Variants in CLVS1 observed in about 807,000 individuals in gnomAD.
CLVS1 encodes clavesin 1, also known as clavesin-1.
In CLVS1, 10 loss-of-function variants were observed where a neutral mutation model predicts 33.1. The observed-to-expected ratio is 0.30, with a 90% CI of 0.19 to 0.51. The LOEUF is 0.51. Among genes scored for constraint, CLVS1 ranks in the 20% least tolerant of loss-of-function variants. CLVS1 has a pLI of 0.97. For synonymous variants in CLVS1, 163 were observed against 166.1 expected, an observed-to-expected ratio of 0.98 and a Z score of 0.14; for missense variants, 343 against 433.4, an observed-to-expected ratio of 0.79 and a Z score of 1.85.
rs529789079 is a variant in CLVS1 at position 61,501,219 on chromosome 8, AGAATT to A, written c.*1681_*1685del. On this transcript the variant is annotated 3_prime_UTR_variant, in exon 6 of 6. Coordinates refer to ENST00000325897, the MANE Select transcript of CLVS1 (RefSeq NM_173519.3). The stretch of plus-strand genomic sequence containing the variant: ...AGACATAGATAGGTAAGAGAAATAA[AGAATT>A]GAAGTGAATTAGAAAATCCATTTTA... The A allele has an allele frequency of 1.2e-4, 18 of 152,314 alleles. No homozygotes were observed. The East Asian group carries it at 2.9e-3, about 24-fold the overall frequency. 9.4% of individuals were successfully genotyped at this position (152,314 alleles called of 1,614,324 possible). A position where few individuals can be genotyped will look rare whatever the true frequency, so the allele number is the denominator to read the frequency against.
upstream of CLVS1, among the ~76,000 whole-genome samples, chr8:61,056,298 A>G (rs898357650): frequency 6.6e-6 from 1 of 152,144 alleles, no homozygotes; most frequent in Non-Finnish European, 1.5e-5. Context: ...AATTTGGTTA[A>G]TTTCCCCTTT....
At chr8:61,310,513 C>T (rs956047510) in intron 2 of CLVS1, among the ~76,000 whole-genome samples, 17 of 152,172 alleles carry the variant, frequency 1.1e-4, no homozygotes, top group South Asian at 4.1e-4. Flanking sequence ...CAGACATTAA[C>T]GACAGGTCTC....
intron 1 of CLVS1, among the ~76,000 whole-genome samples, chr8:61,067,821 A>G (rs532708895): frequency 6.6e-6 from 1 of 152,192 alleles, no homozygotes; most frequent in Non-Finnish European, 1.5e-5. Flanking sequence ...GGGGACTACT[A>G]GAAGGGGGAG....
At chr8:61,367,254 C>T (rs928737373) in intron 2 of CLVS1, among the ~76,000 whole-genome samples, 3 of 152,160 alleles carry the variant, frequency 2.0e-5, no homozygotes, top group Non-Finnish European at 4.4e-5. Context: ...TAACAGTCAG[C>T]AGTTCTCCCA....
intron 2 of CLVS1, among the ~76,000 whole-genome samples, chr8:61,279,828 T>C (rs548551836): frequency 6.6e-5 from 10 of 152,336 alleles, no homozygotes; most frequent in African/African-American, 2.4e-4. Flanking sequence ...CTGAATAAAA[T>C]TTTTGGTAAG....
intron 2 of CLVS1, among the ~76,000 whole-genome samples, chr8:61,134,864 G>C (rs1360509526): frequency 6.6e-6 from 1 of 152,038 alleles, no homozygotes; most frequent in Admixed American, 6.5e-5. Flanking sequence ...ACAAGTTCTG[G>C]AAATTAGGAC....
chr8:61,346,697 C>T (rs1352026994), intron 2 of CLVS1, among the ~76,000 whole-genome samples: 1 of 152,132 alleles, frequency 6.6e-6, no homozygotes, highest in Non-Finnish European at 1.5e-5. Context: ...GAGCCCCTCC[C>T]TGTGTAAGGC....
intron 3 of CLVS1, among the ~76,000 whole-genome samples, chr8:61,421,514 C>T (rs1264065465): frequency 6.6e-6 from 1 of 152,194 alleles, no homozygotes; most frequent in Non-Finnish European, 1.5e-5. Flanking sequence ...CACTCCTGAG[C>T]TGAACTCAGG....
intron 2 of CLVS1, among the ~76,000 whole-genome samples, chr8:61,250,914 CT>C (rs1278943755): frequency 6.6e-6 from 1 of 152,154 alleles, no homozygotes; most frequent in Non-Finnish European, 1.5e-5. Context: ...ATTTCTTTCT[CT>C]TACCTGATTG....
chr8:61,063,257 A>AAGAGAGAGAG (rs1804614016), intron 1 of CLVS1, among the ~76,000 whole-genome samples: 1 of 85,362 alleles, frequency 1.2e-5, no homozygotes, highest in African/African-American at 5.3e-5. Flanking sequence ...GAAAGTGAGG[A>AAGAGAGAGAG]AGCGAGAGAG....
intron 2 of CLVS1, among the ~76,000 whole-genome samples, chr8:61,199,853 T>C (rs534635352): frequency 6.6e-6 from 1 of 152,300 alleles, no homozygotes; most frequent in South Asian, 2.1e-4. Flanking sequence ...CCCCCTCATA[T>C]TTTACCTTTG....
At chr8:61,292,209 A>G (rs1172913959) in intron 1 of CLVS1, 2 of 370,902 alleles carry the variant, frequency 5.4e-6, no homozygotes, top group Non-Finnish European at 1.1e-5. Context: ...CATGTTCTGA[A>G]GAAATAAGAG....
chr8:61,124,420 C>G (rs1268959325), intron 1 of CLVS1, among the ~76,000 whole-genome samples: 10 of 152,220 alleles, frequency 6.6e-5, no homozygotes, highest in Non-Finnish European at 1.2e-4. Context: ...TGGTTCATAC[C>G]TGTCCAGGCA....
intron 1 of CLVS1, among the ~76,000 whole-genome samples, chr8:61,061,897 G>A (rs1018647364): frequency 1.3e-5 from 2 of 151,920 alleles, no homozygotes; most frequent in Non-Finnish European, 2.9e-5. Context: ...TAGCACCTGG[G>A]CATTTTTATC....
intron 3 of CLVS1, among the ~76,000 whole-genome samples, chr8:61,426,930 CT>C (rs1200266266): frequency 1.3e-5 from 2 of 152,148 alleles, no homozygotes; most frequent in Non-Finnish European, 2.9e-5. Flanking sequence ...TTGTTAGCAG[CT>C]TTCTGACTAG....
chr8:61,452,470 A>G (rs1448684619), intron 3 of CLVS1, among the ~76,000 whole-genome samples: 1 of 152,228 alleles, frequency 6.6e-6, no homozygotes, highest in African/African-American at 2.4e-5. Context: ...CTAAATAAGA[A>G]GTTAAAAGGA....
At chr8:61,204,082 T>C (rs1307162918) in intron 2 of CLVS1, among the ~76,000 whole-genome samples, 1 of 152,122 alleles carries the variant, frequency 6.6e-6, no homozygotes, top group Non-Finnish European at 1.5e-5. Flanking sequence ...CCACTCTCAG[T>C]GGGGCTGGGA....
the CLVS1 span, among the ~76,000 whole-genome samples, chr8:61,024,604 G>T: frequency 1.3e-5 from 2 of 152,122 alleles, no homozygotes; most frequent in African/African-American, 2.4e-5. Context: ...CTGATCAGCT[G>T]TCTCCTCTCT....
intron 2 of CLVS1, among the ~76,000 whole-genome samples, chr8:61,350,291 AT>A (rs1252662864): frequency 6.6e-6 from 1 of 152,122 alleles, no homozygotes; most frequent in Non-Finnish European, 1.5e-5. Flanking sequence ...CAAGTATCCC[AT>A]TTGGGTCATT....
Sources: gnomAD v4.1 joint callset for allele counts (sites outside exome capture counted in the v4.1 genomes callset) on GRCh38, gnomAD v4.1.1 for gene constraint, MANE v1.5 for transcripts, NCBI Gene and HGNC (gene_info 2026-07-23, HGNC 2026-07-21) for gene names.